Variants in ATG5 observed in about 807,000 individuals in gnomAD.
The protein encoded by ATG5 is autophagy protein 5.
In ATG5, 14 loss-of-function variants were observed where a neutral mutation model predicts 36.5. That is an observed-to-expected ratio of 0.38 (90% CI 0.25 to 0.60). The LOEUF (loss-of-function observed/expected upper bound fraction) is 0.60. ATG5 is among the 20% of genes least tolerant of loss of function. The pLI is 0.60. For synonymous variants in ATG5, 95 were observed against 101.5 expected, an observed-to-expected ratio of 0.94 and a Z score of 0.38; for missense variants, 195 against 326.7, an observed-to-expected ratio of 0.60 and a Z score of 3.11.
intron 5 of ATG5, among the ~76,000 whole-genome samples, chr6:106,260,031 T>C (rs1778952425): frequency 6.6e-6 from 1 of 152,080 alleles, no homozygotes. Flanking sequence ...CACTGCATGT[T>C]CTCACTCATA....
At chr6:106,244,489 T>C (rs1401106292) in intron 6 of ATG5, among the ~76,000 whole-genome samples, 1 of 152,222 alleles carries the variant, frequency 6.6e-6, no homozygotes, top group South Asian at 2.1e-4. Context: ...GCTCTTCTCA[T>C]GACTCTTTGC....
chr6:106,213,195 G>T (rs1776920367), intron 6 of ATG5, among the ~76,000 whole-genome samples: 1 of 152,112 alleles, frequency 6.6e-6, no homozygotes, highest in Non-Finnish European at 1.5e-5. Context: ...ATTTACCAGG[G>T]TATCACTATG....
intron 7 of ATG5, among the ~76,000 whole-genome samples, chr6:106,199,330 G>T (rs898580445): frequency 6.6e-6 from 1 of 152,208 alleles, no homozygotes; most frequent in African/African-American, 2.4e-5. Context: ...ACACCCATCA[G>T]CTGGTACAGG....
chr6:106,197,789 C>CT (rs540671325), intron 7 of ATG5, among the ~76,000 whole-genome samples: 194 of 152,174 alleles, frequency 1.3e-3, no homozygotes, highest in African/African-American at 4.4e-3. Context: ...TTAAATAAAC[C>CT]TTTTTTCTTT....
rs1027231416 is a variant in ATG5 at position 106,261,553 on chromosome 6, T to C, written c.479-13309A>G. Among the ~76,000 whole-genome samples the C allele has an allele frequency of 2.0e-5, 3 of 152,208 alleles. No individual in the cohort carries two copies. In the South Asian group the frequency reaches 6.2e-4, roughly 31 times the overall value. On this transcript the variant is annotated intron_variant, in intron 5 of 7. Coordinates refer to ENST00000369076, the MANE Select transcript of ATG5 (RefSeq NM_004849.4). Reference sequence around the variant, plus strand: ...TCTGGCACAGCTGTTGTGATGGCAGTGATAATTCACGTGAAGTACCCAGAA... The same window carrying C: ...TCTGGCACAGCTGTTGTGATGGCAGCGATAATTCACGTGAAGTACCCAGAA...
intron 6 of ATG5, among the ~76,000 whole-genome samples, chr6:106,229,524 G>A (rs569844246): frequency 1.1e-3 from 164 of 152,172 alleles, no homozygotes; most frequent in African/African-American, 3.9e-3. Context: ...GAGACAAACA[G>A]GGAGTCAGAG....
intron 4 of ATG5, among the ~76,000 whole-genome samples, chr6:106,280,145 G>T (rs1424538334): frequency 1.3e-5 from 2 of 151,518 alleles, no homozygotes; most frequent in Admixed American, 6.6e-5. Context: ...ACTACTAACA[G>T]AAATGTAAAA....
chr6:106,234,992 T>C (rs764848356), intron 6 of ATG5, among the ~76,000 whole-genome samples: 1 of 150,360 alleles, frequency 6.7e-6, no homozygotes, highest in Middle Eastern at 3.4e-3. Context: ...TATTATGTTA[T>C]TTTAGCGGAA....
At chr6:106,266,767 T>C (rs1215146626) in intron 5 of ATG5, among the ~76,000 whole-genome samples, 5 of 152,168 alleles carry the variant, frequency 3.3e-5, no homozygotes, top group Admixed American at 6.5e-5. Flanking sequence ...ATTCTCTCAA[T>C]AGATGCAGAA....
chr6:106,286,423 T>C (rs1408850795), intron 4 of ATG5, among the ~76,000 whole-genome samples: 3 of 152,184 alleles, frequency 2.0e-5, no homozygotes, highest in Non-Finnish European at 4.4e-5. Flanking sequence ...CAAATACCAG[T>C]TACTCTGTCA....
chr6:106,233,314 G>C (rs926221823), intron 6 of ATG5, among the ~76,000 whole-genome samples: 1 of 152,180 alleles, frequency 6.6e-6, no homozygotes, highest in Admixed American at 6.5e-5. Context: ...GGATTCCCAG[G>C]TACGGCGAAA....
intron 2 of ATG5, among the ~76,000 whole-genome samples, chr6:106,312,505 C>T (rs963409110): frequency 6.6e-6 from 1 of 151,238 alleles, no homozygotes; most frequent in African/African-American, 2.4e-5. Flanking sequence ...TTGACAAAGA[C>T]ATAAAAATGG....
intron 5 of ATG5, among the ~76,000 whole-genome samples, chr6:106,275,516 AAAC>A (rs1371562348): frequency 6.6e-6 from 1 of 152,198 alleles, no homozygotes; most frequent in Non-Finnish European, 1.5e-5. Context: ...TTATAACCAA[AAAC>A]AAAATGGAAT....
Position 106,231,275 on chromosome 6 carries a change from G to A in ATG5, c.573+16875C>T, listed in dbSNP as rs1044157078. Among the ~76,000 whole-genome samples, 11 of 152,304 alleles carry A rather than the reference G, an allele frequency of 7.2e-5. No homozygotes were observed. In the East Asian group the frequency reaches 2.1e-3, roughly 29 times the overall value. On this transcript the variant is annotated intron_variant, in intron 6 of 7. Coordinates refer to ENST00000369076, the MANE Select transcript of ATG5 (RefSeq NM_004849.4). Reference sequence around the variant, plus strand: ...GGACAATCCTTTGATCTGATATGGAGAGATATAATGTTACTGCTAAATCAG... The same window carrying A: ...GGACAATCCTTTGATCTGATATGGAAAGATATAATGTTACTGCTAAATCAG...
intron 7 of ATG5, among the ~76,000 whole-genome samples, chr6:106,191,750 C>T (rs710089): frequency 0.043 from 6,578 of 152,064 alleles, 396 homozygotes; most frequent in East Asian, 0.25. Context: ...AAAAATGTAA[C>T]TGATAAAGTA....
rs558949583 is a variant in ATG5, at chr6:106,318,204, T to C, written c.-58-1938A>G. Among the ~76,000 whole-genome samples the C allele has an allele frequency of 2.6e-5, 4 of 152,306 alleles. No homozygotes were observed. In the South Asian group the frequency reaches 8.3e-4, roughly 32 times the overall value. The stretch of plus-strand genomic sequence containing the variant: ...CTCTCAAGGAGGAATAGTAATCTGA[T>C]TGGTCAGATTCCAGGACACCACTTG... On this transcript the variant is annotated intron_variant, in intron 1 of 7. Coordinates refer to ENST00000369076, the MANE Select transcript of ATG5 (RefSeq NM_004849.4).
intron 3 of ATG5, among the ~76,000 whole-genome samples, chr6:106,297,722 ACACAC>A (rs1770016652): frequency 2.4e-5 from 2 of 84,428 alleles, no homozygotes; most frequent in African/African-American, 1.6e-4. Flanking sequence ...ACTTAAACAC[ACACAC>A]ACACACACAC....
chr6:106,302,323 A>G (rs769987926), intron 3 of ATG5, among the ~76,000 whole-genome samples: 2 of 152,102 alleles, frequency 1.3e-5, no homozygotes, highest in Non-Finnish European at 2.9e-5. Flanking sequence ...AGACCTGGAA[A>G]GAAGTGGGAT....
chr6:106,205,542 CATA>C (rs1776596826), intron 6 of ATG5, among the ~76,000 whole-genome samples: 1 of 151,804 alleles, frequency 6.6e-6, no homozygotes, highest in African/African-American at 2.4e-5. Flanking sequence ...ATTATGTATC[CATA>C]ATAATTAAAA....
Sources: allele counts gnomAD v4.1 joint callset (sites outside exome capture counted in the v4.1 genomes callset), GRCh38; gene constraint gnomAD v4.1.1; transcripts MANE v1.5; gene names NCBI Gene and HGNC (gene_info 2026-07-23, HGNC 2026-07-21).